Variants in RBFOX1 observed in about 807,000 individuals in gnomAD.
RBFOX1 encodes the protein RNA binding fox-1 homolog 1.
In RBFOX1, 8 loss-of-function variants were observed where a neutral mutation model predicts 57.7. The ratio of observed to expected loss-of-function variants is 0.14; its 90% confidence interval spans 0.08 to 0.25. RBFOX1 has a LOEUF of 0.25. Among genes scored for constraint, RBFOX1 ranks in the 10% least tolerant of loss-of-function variants. The probability of loss-of-function intolerance (pLI) is 1.00; values close to 1 mark genes in which losing one functional copy is unlikely to be tolerated. For synonymous variants in RBFOX1, 326 were observed against 222.4 expected (o/e 1.47, Z -4.15); for missense variants, 611 against 548.5 (o/e 1.11, Z -1.14).
chr16:5,319,690 A>G (rs1192966914), intron 1 of RBFOX1, among the ~76,000 whole-genome samples: 2 of 152,220 alleles, frequency 1.3e-5, no homozygotes, highest in African/African-American at 4.8e-5. Flanking sequence ...AGATAGGGAA[A>G]GTCACACTAG....
intron 2 of RBFOX1, among the ~76,000 whole-genome samples, chr16:6,489,544 T>C (rs912892893): frequency 6.6e-6 from 1 of 152,134 alleles, no homozygotes; most frequent in Non-Finnish European, 1.5e-5. Context: ...AAGTCTGTGT[T>C]CCTAGCCATT....
intron 1 of RBFOX1, among the ~76,000 whole-genome samples, chr16:5,413,483 T>C (rs1369810038): frequency 1.3e-5 from 2 of 152,206 alleles, no homozygotes; most frequent in East Asian, 3.9e-4. Context: ...TCAGTTACAG[T>C]AGCCACCACT....
chr16:6,619,213 C>G (rs191470196), intron 2 of RBFOX1, among the ~76,000 whole-genome samples: 2 of 152,120 alleles, frequency 1.3e-5, no homozygotes, highest in Admixed American at 1.3e-4. Context: ...CTGTCCCCCC[C>G]TTAAACAGTG....
intron 1 of RBFOX1, among the ~76,000 whole-genome samples, chr16:5,407,554 C>T (rs1264515254): frequency 6.6e-6 from 1 of 151,956 alleles, no homozygotes; most frequent in Non-Finnish European, 1.5e-5. Context: ...ATAACAAGGC[C>T]TTTGGGCTTT....
At chr16:7,225,809 C>T (rs1393734646) in intron 4 of RBFOX1, among the ~76,000 whole-genome samples, 1 of 147,526 alleles carries the variant, frequency 6.8e-6, no homozygotes, top group East Asian at 2.0e-4. Context: ...ATGTAAATGA[C>T]GAGTTAATGG....
chr16:6,512,720 C>T (rs181257935), intron 2 of RBFOX1, among the ~76,000 whole-genome samples: 7 of 152,228 alleles, frequency 4.6e-5, no homozygotes, highest in East Asian at 1.9e-4. Flanking sequence ...TTTTGGAGAC[C>T]GTGACGTCAC....
chr16:5,938,891 A>C (rs1351852348), intron 4 of RBFOX1, among the ~76,000 whole-genome samples: 6 of 152,196 alleles, frequency 3.9e-5, no homozygotes, highest in Non-Finnish European at 7.3e-5. Context: ...TTAAACCACT[A>C]AATTTTGGGA....
At chr16:6,384,984 T>A (rs552624467) in intron 2 of RBFOX1, among the ~76,000 whole-genome samples, 1 of 152,284 alleles carries the variant, frequency 6.6e-6, no homozygotes, top group African/African-American at 2.4e-5. Flanking sequence ...TCCGAGTGGG[T>A]GTCACTCACC....
At chr16:6,827,091 C>T (rs1354486027) in intron 3 of RBFOX1, among the ~76,000 whole-genome samples, 60 of 152,116 alleles carry the variant, frequency 3.9e-4, no homozygotes, top group Non-Finnish European at 7.4e-5. Context: ...CACATACTTA[C>T]CGAGTCTCTT....
chr16:5,952,443 G>A (rs1041051311), intron 4 of RBFOX1, among the ~76,000 whole-genome samples: 5 of 152,028 alleles, frequency 3.3e-5, no homozygotes, highest in African/African-American at 1.2e-4. Context: ...GTGCCACCAT[G>A]CCCAGCTAAT....
chr16:6,997,949 T>C (rs1219324224), intron 3 of RBFOX1, among the ~76,000 whole-genome samples: 1 of 152,046 alleles, frequency 6.6e-6, no homozygotes, highest in African/African-American at 2.4e-5. Context: ...ATTTTAATAT[T>C]ATATTTCGTA....
rs930744331 is a variant in RBFOX1, at chr16:5,543,345, C to G, written c.259-55557C>G. Among the ~76,000 whole-genome samples the G allele has an allele frequency of 2.6e-5, 4 of 151,818 alleles. No homozygotes were observed. The East Asian group carries it at 7.7e-4, about 29-fold the overall frequency. On this transcript the variant is annotated intron_variant, in intron 2 of 2. Coordinates refer to the RBFOX1 transcript ENST00000585867. ...AGAAACATGGAAGACAAAAAAAGACCCAAATCAAAACTCTAGAGATAGAAC... is the reference window on the plus strand; with the variant it reads ...AGAAACATGGAAGACAAAAAAAGACGCAAATCAAAACTCTAGAGATAGAAC...
rs138506470 is a variant in RBFOX1 at position 6,311,597 on chromosome 16, A to G, written c.-126-5398A>G. Among the ~76,000 whole-genome samples the G allele has an allele frequency of 1.1e-3, 163 of 152,308 alleles. 1 individual carries two copies. Among genetic ancestry groups the G allele is most frequent in the African/African-American group, 3.8e-3 (159 of 41,580 alleles). ...TCCTTAGAAAAGCAACCACAGGTTT[A>G]CAGTAACATTACGTATTGCTTCTGA... is the stretch of plus-strand genomic sequence containing the variant. On this transcript the variant is annotated intron_variant, in intron 1 of 15. Coordinates refer to ENST00000550418, the MANE Select transcript of RBFOX1 (RefSeq NM_018723.4).
chr16:6,911,537 A>T (rs1039799170), intron 3 of RBFOX1, among the ~76,000 whole-genome samples: 3 of 152,104 alleles, frequency 2.0e-5, no homozygotes, highest in African/African-American at 7.2e-5. Context: ...TCCCCTTTTT[A>T]TGATGACATC....
At chr16:6,256,710 T>G (rs531015905) in intron 1 of RBFOX1, among the ~76,000 whole-genome samples, 1 of 152,224 alleles carries the variant, frequency 6.6e-6, no homozygotes, top group African/African-American at 2.4e-5. Context: ...CATCCCCGGC[T>G]GCCACTCATG....
At chr16:6,988,736 T>TTTG (rs1555723553) in intron 3 of RBFOX1, among the ~76,000 whole-genome samples, 6 of 75,330 alleles carry the variant, frequency 8.0e-5, no homozygotes, top group African/African-American at 5.1e-4. Flanking sequence ...AGCTAATTTT[T>TTTG]TTTTTTGTTT....
chr16:5,769,687 C>T (rs970123326), intron 3 of RBFOX1, among the ~76,000 whole-genome samples: 1 of 151,990 alleles, frequency 6.6e-6, no homozygotes, highest in African/African-American at 2.4e-5. Context: ...CAAACAAATA[C>T]AGGAGGAAGA....
intron 3 of RBFOX1, among the ~76,000 whole-genome samples, chr16:6,670,440 G>A (rs1321866771): frequency 1.3e-5 from 2 of 152,090 alleles, no homozygotes; most frequent in African/African-American, 4.8e-5. Flanking sequence ...CAATTCATAA[G>A]TTGACAAATC....
chr16:7,332,063 C>G (rs995576891), intron 4 of RBFOX1, among the ~76,000 whole-genome samples: 8 of 152,004 alleles, frequency 5.3e-5, no homozygotes, highest in Admixed American at 5.2e-4. Context: ...TAAAGAATGT[C>G]GTTAAAAACA....
Sources: gnomAD v4.1 joint callset for allele counts (sites outside exome capture counted in the v4.1 genomes callset) on GRCh38, gnomAD v4.1.1 for gene constraint, MANE v1.5 for transcripts, NCBI Gene and HGNC (gene_info 2026-07-23, HGNC 2026-07-21) for gene names.